Variants in MAGI1 observed in about 807,000 individuals in gnomAD.
MAGI1 encodes membrane-associated guanylate kinase, WW and PDZ domain-containing protein 1.
In MAGI1, 58 loss-of-function variants were observed where a neutral mutation model predicts 139.9. The ratio of observed to expected loss-of-function variants is 0.41; its 90% confidence interval spans 0.34 to 0.52. The LOEUF (loss-of-function observed/expected upper bound fraction) is 0.52, where lower values mean the gene tolerates loss of function less well. MAGI1 is among the 20% of genes least tolerant of loss of function. The pLI is 0.12. For synonymous variants in MAGI1, 812 were observed against 737.9 expected, an observed-to-expected ratio of 1.10 and a Z score of -1.63; for missense variants, 1,874 against 1,901.6, an observed-to-expected ratio of 0.99 and a Z score of 0.27.
intron 1 of MAGI1, among the ~76,000 whole-genome samples, chr3:65,840,684 T>C (rs1559932152): frequency 6.6e-6 from 1 of 152,132 alleles, no homozygotes; most frequent in Non-Finnish European, 1.5e-5. Flanking sequence ...GTTAAGGATT[T>C]TGGTGTGGGT....
intron 18 of MAGI1, among the ~76,000 whole-genome samples, chr3:65,374,634 T>C (rs1942326334): frequency 6.6e-6 from 1 of 152,142 alleles, no homozygotes; most frequent in Admixed American, 6.5e-5. Flanking sequence ...TAATTTTTAT[T>C]AAACATGAAT....
At chr3:65,863,658 T>A (rs34102671) in intron 1 of MAGI1, among the ~76,000 whole-genome samples, 6,736 of 152,196 alleles carry the variant, frequency 0.044, 214 homozygotes, top group Non-Finnish European at 0.065. Context: ...TTCAGACAGA[T>A]CCACTCTACT....
chr3:65,440,422 C>T (rs546625808), intron 8 of MAGI1, among the ~76,000 whole-genome samples: 279 of 152,186 alleles, frequency 1.8e-3, no homozygotes, highest in Non-Finnish European at 3.3e-3. Flanking sequence ...ACTGACCCCA[C>T]TCCAAATGTC....
intron 12 of MAGI1, among the ~76,000 whole-genome samples, chr3:65,412,276 T>C (rs535659178): frequency 6.6e-6 from 1 of 152,300 alleles, no homozygotes; most frequent in South Asian, 2.1e-4. Flanking sequence ...TGCAGATCTA[T>C]GTGTGGGTGG....
intron 1 of MAGI1, among the ~76,000 whole-genome samples, chr3:65,830,656 T>C (rs1228546287): frequency 7.2e-6 from 1 of 139,030 alleles, no homozygotes; most frequent in Non-Finnish European, 1.6e-5. Context: ...TGATTTATGA[T>C]TCACAGTATT....
At chr3:65,386,946 CA>C (rs567103351) in intron 14 of MAGI1, among the ~76,000 whole-genome samples, 95 of 152,294 alleles carry the variant, frequency 6.2e-4, no homozygotes, top group African/African-American at 1.9e-3. Context: ...CCAGACTTGA[CA>C]AGGGCATGCA....
chr3:65,408,584 G>A (rs574015113), intron 12 of MAGI1, among the ~76,000 whole-genome samples: 1 of 152,092 alleles, frequency 6.6e-6, no homozygotes, highest in African/African-American at 2.4e-5. Flanking sequence ...CAATCCAGTG[G>A]TTCTAAACAA....
At chr3:65,862,000 T>C (rs184840083) in intron 1 of MAGI1, among the ~76,000 whole-genome samples, 1 of 152,194 alleles carries the variant, frequency 6.6e-6, no homozygotes, top group African/African-American at 2.4e-5. Context: ...GTCTCTCTAA[T>C]TGGCACCACC....
Position 65,449,761 on chromosome 3 carries a change from C to T in MAGI1, c.1043-1704G>A, listed in dbSNP as rs555854606. 1.6e-4 allele frequency among the ~76,000 whole-genome samples: 25 copies of T among 152,094 alleles called. 1 individual carries two copies. The South Asian group carries it at 4.8e-3, about 29-fold the overall frequency. ...CCACACTCCAGCCTGGGTAACAGGG[C>T]GAGACTCCATCTCAAAAAACAGAAT... On this transcript the variant is annotated intron_variant, in intron 6 of 22. Transcript: ENST00000402939.
chr3:65,874,555 T>C (rs1445666408), intron 1 of MAGI1: 1 of 152,114 alleles, frequency 6.6e-6, no homozygotes, highest in East Asian at 1.9e-4. Flanking sequence ...GATATACAAA[T>C]GAAAAACACA....
At chr3:65,709,095 C>G (rs1342998363) in intron 1 of MAGI1, among the ~76,000 whole-genome samples, 1 of 152,176 alleles carries the variant, frequency 6.6e-6, no homozygotes, top group Non-Finnish European at 1.5e-5. Flanking sequence ...TTAAAGTTAG[C>G]CAGTGATTTT....
At chr3:65,649,562 G>A (rs1351384181) in intron 1 of MAGI1, among the ~76,000 whole-genome samples, 1 of 152,024 alleles carries the variant, frequency 6.6e-6, no homozygotes, top group Non-Finnish European at 1.5e-5. Flanking sequence ...GAAAAGACTG[G>A]GAGAAAATAT....
In MAGI1 at chr3:65,439,925, C is replaced by T. The variant is rs770861590; in HGVS notation, c.1224G>A (p.Gln408=). The T allele has an allele frequency of 1.2e-6, 2 of 1,610,290 alleles. No individual in the cohort carries two copies. The highest frequency in any genetic ancestry group is 4.5e-5 in the East Asian group (2 of 44,814). The change falls in exon 9 of 23, where the codon CAG becomes CAA. Residue 408 remains glutamine (Q), a synonymous_variant. Coordinates refer to ENST00000402939, the MANE Select transcript of MAGI1 (RefSeq NM_001033057.2). ...GCTGCTGCTGCTGCTGTTGCTGCTG[C>T]TGTTGCTGCTGCTGCTGCTGCTCAA... ...KQLEQQQQQQ[Q]QQQQQQQQQQ...
chr3:65,504,219 T>G (rs2077191204), intron 2 of MAGI1, among the ~76,000 whole-genome samples: 1 of 152,212 alleles, frequency 6.6e-6, no homozygotes, highest in Non-Finnish European at 1.5e-5. Context: ...AAAGGGTAAC[T>G]ACTGCTCTGA....
intron 1 of MAGI1, among the ~76,000 whole-genome samples, chr3:65,886,440 C>T (rs1162533858): frequency 6.6e-6 from 1 of 152,130 alleles, no homozygotes; most frequent in Non-Finnish European, 1.5e-5. Flanking sequence ...GACTGAGTTA[C>T]CTCCAAAAAT....
intron 12 of MAGI1, among the ~76,000 whole-genome samples, chr3:65,425,174 G>C (rs930471759): frequency 6.9e-6 from 1 of 145,404 alleles, no homozygotes; most frequent in Admixed American, 6.8e-5. Context: ...CAATCTGTAC[G>C]GCCCAGCTAG....
At chr3:65,686,742 A>T (rs908932489) in intron 1 of MAGI1, among the ~76,000 whole-genome samples, 2 of 152,254 alleles carry the variant, frequency 1.3e-5, no homozygotes, top group African/African-American at 4.8e-5. Flanking sequence ...TGAAACGCCA[A>T]GCATCTGAAC....
chr3:65,375,187 C>CTTT (rs5849664), intron 18 of MAGI1, among the ~76,000 whole-genome samples: 6 of 133,082 alleles, frequency 4.5e-5, no homozygotes, highest in East Asian at 2.2e-4. Context: ...TTTTCTGAAA[C>CTTT]TTTTTTTTTT....
intron 1 of MAGI1, among the ~76,000 whole-genome samples, chr3:65,820,005 G>A (rs1182743389): frequency 7.4e-6 from 1 of 135,326 alleles, no homozygotes; most frequent in Admixed American, 7.9e-5. Flanking sequence ...GCACTGGCAT[G>A]TGTATATAAC....
Sources: allele counts gnomAD v4.1 joint callset (sites outside exome capture counted in the v4.1 genomes callset), GRCh38; gene constraint gnomAD v4.1.1; transcripts MANE v1.5; gene names NCBI Gene and HGNC (gene_info 2026-07-23, HGNC 2026-07-21).